The following SHISAL1 variants were observed in gnomAD, a reference collection of about 807,000 sequenced individuals.
SHISAL1 encodes protein shisa-like-1.
In SHISAL1, 9 loss-of-function variants were observed where a neutral mutation model predicts 22.6. The ratio of observed to expected loss-of-function variants is 0.40; its 90% confidence interval spans 0.24 to 0.70. SHISAL1 has a LOEUF of 0.70. Ranked by LOEUF, SHISAL1 falls within the 30% of genes least tolerant of loss-of-function variation. SHISAL1 has a pLI of 0.39. For synonymous variants in SHISAL1, 119 were observed against 115.4 expected, an observed-to-expected ratio of 1.03 and a Z score of -0.20; for missense variants, 246 against 270.6, an observed-to-expected ratio of 0.91 and a Z score of 0.64.
rs1382615057 is a variant in SHISAL1, at chr22:44,261,200, C to T, written c.*-11515G>A. The stretch of plus-strand genomic sequence containing the variant: ...AGCTTCTTCGAGGGTAAAGTTTTGA[C>T]GCCTTAGCTGGGCCTCAGGGCCTCT... On this transcript the variant is annotated intron_variant, in intron 4 of 4. Coordinates refer to ENST00000381176, the MANE Select transcript of SHISAL1 (RefSeq NM_001099294.2). Among the ~76,000 whole-genome samples, 4 of 133,978 alleles carry T rather than the reference C, an allele frequency of 3.0e-5. No homozygotes were observed. The East Asian group carries it at 6.5e-4, about 22-fold the overall frequency. The allele number at this position is 133,978 out of a possible 152,430, so 87.9% of individuals were successfully genotyped here. A position where few individuals can be genotyped will look rare whatever the true frequency, so the allele number is the denominator to read the frequency against.
chr22:44,297,034 G>T (rs2055392127), intron 2 of SHISAL1, 149 bp from the exon 3 acceptor site: 1 of 639,232 alleles, frequency 1.6e-6, no homozygotes, highest in Non-Finnish European at 2.7e-6. Flanking sequence ...CTCACCTCTG[G>T]GTTCCCATTA....
At chr22:44,277,936 G>A (rs4399828) in intron 4 of SHISAL1, among the ~76,000 whole-genome samples, 12,609 of 152,222 alleles carry the variant, frequency 0.083, 1,195 homozygotes, top group African/African-American at 0.2. Flanking sequence ...GGAGGGACAC[G>A]GAGCCCTGCG....
intron 3 of SHISAL1, among the ~76,000 whole-genome samples, chr22:44,295,396 G>C (rs2055378563): frequency 6.6e-6 from 1 of 151,700 alleles, no homozygotes; most frequent in Non-Finnish European, 1.5e-5. Flanking sequence ...ATTCCAGAGA[G>C]CTCAACTAAT....
At chr22:44,250,239 C>T (rs5764148) in intron 4 of SHISAL1, among the ~76,000 whole-genome samples, 14,694 of 152,168 alleles carry the variant, frequency 0.097, 1,217 homozygotes, top group East Asian at 0.28. Context: ...TCACCATTGC[C>T]ATAACAAACT....
chr22:44,253,970 C>G (rs2055067674), intron 4 of SHISAL1, among the ~76,000 whole-genome samples: 1 of 152,056 alleles, frequency 6.6e-6, no homozygotes. Context: ...ACAACATTCT[C>G]TAATCACAAT....
chr22:44,282,181 C>T (rs1252208814), intron 4 of SHISAL1, among the ~76,000 whole-genome samples: 5 of 152,220 alleles, frequency 3.3e-5, no homozygotes, highest in Non-Finnish European at 5.9e-5. Context: ...GCTGGGGAGC[C>T]GAAGGCCTTG....
rs1491154287 is a variant in SHISAL1 at position 44,253,425 on chromosome 22, A to ATTTTTTTTTTTTTTTTTTTTTTTT, written c.*-3741_*-3740insAAAAAAAAAAAAAAAAAAAAAAAA. Reference sequence around the variant, plus strand: ...AAGCAGAGTATGCTAGTATTAGTGCATGTTTTTTTTTTTTTTTTTTTTTGA... The same window carrying ATTTTTTTTTTTTTTTTTTTTTTTT: ...AAGCAGAGTATGCTAGTATTAGTGCATTTTTTTTTTTTTTTTTTTTTTTTTGTTTTTTTTTTTTTTTTTTTTTGA... On this transcript the variant is annotated intron_variant, in intron 4 of 4. Coordinates refer to ENST00000381176, the MANE Select transcript of SHISAL1 (RefSeq NM_001099294.2). Among the ~76,000 whole-genome samples, 2 of 107,884 alleles carry ATTTTTTTTTTTTTTTTTTTTTTTT rather than the reference A, an allele frequency of 1.9e-5. 1 individual carries two copies. The allele number at this position is 107,884 out of a possible 152,430, so 70.8% of individuals were successfully genotyped here.
intron 4 of SHISAL1, among the ~76,000 whole-genome samples, chr22:44,272,834 G>A (rs2055214232): frequency 6.6e-6 from 1 of 152,210 alleles, no homozygotes; most frequent in African/African-American, 2.4e-5. Flanking sequence ...GAAACACATT[G>A]GCTGTAATCC....
chr22:44,272,728 A>G (rs2055213584), intron 4 of SHISAL1, among the ~76,000 whole-genome samples: 1 of 152,222 alleles, frequency 6.6e-6, no homozygotes, highest in South Asian at 2.1e-4. Context: ...TTGGCCTCCC[A>G]GGACCACCTT....
At chr22:44,311,419 C>G (rs939486337) in intron 1 of SHISAL1, among the ~76,000 whole-genome samples, 37 of 152,356 alleles carry the variant, frequency 2.4e-4, no homozygotes, top group Middle Eastern at 3.4e-3. Flanking sequence ...CCTAATAAGG[C>G]TCTTGTCCCT....
chr22:44,246,723 CTG>C lies in SHISAL1; in HGVS notation c.*2960_*2961del, dbSNP rs1481621513. On this transcript the variant is annotated 3_prime_UTR_variant, in exon 5 of 5. Coordinates refer to ENST00000381176, the MANE Select transcript of SHISAL1 (RefSeq NM_001099294.2). ...ACACTGTTCTCACCTGTCGGCTCCT[CTG>C]TGAGACAGCAAGTACCGTGACTAAC... 6.7e-6 allele frequency: 1 copy of C among 148,842 alleles called. No homozygotes were observed. Among genetic ancestry groups the C allele is most frequent in the Non-Finnish European group, 1.5e-5 (1 of 66,386 alleles). 9.2% of individuals were successfully genotyped at this position (148,842 alleles called of 1,614,324 possible).
At chr22:44,258,889 T>A (rs2055102509) in intron 4 of SHISAL1, among the ~76,000 whole-genome samples, 1 of 151,390 alleles carries the variant, frequency 6.6e-6, no homozygotes, top group South Asian at 2.1e-4. Flanking sequence ...GGAGTAGGCG[T>A]GGAGGGTTGG....
At chr22:44,271,923 G>A (rs1342822036) in intron 4 of SHISAL1, among the ~76,000 whole-genome samples, 10 of 152,218 alleles carry the variant, frequency 6.6e-5, no homozygotes, top group African/African-American at 2.4e-4. Flanking sequence ...GGGCCTTTGT[G>A]GAAGTGTCCT....
At chr22:44,289,873 A>G (rs1277523287) in intron 3 of SHISAL1, among the ~76,000 whole-genome samples, 1 of 152,254 alleles carries the variant, frequency 6.6e-6, no homozygotes, top group Non-Finnish European at 1.5e-5. Context: ...AAATGGCAGA[A>G]GATAAAAAAC....
intron 4 of SHISAL1, among the ~76,000 whole-genome samples, chr22:44,250,914 C>G (rs961846253): frequency 6.6e-6 from 1 of 152,224 alleles, no homozygotes; most frequent in Non-Finnish European, 1.5e-5. Flanking sequence ...AAGCCCACCT[C>G]CCCAGAGTGA....
rs1373884607 is a variant in SHISAL1 at position 44,246,430 on chromosome 22, G to C, written c.*3255C>G. On this transcript the variant is annotated 3_prime_UTR_variant, in exon 5 of 5. Coordinates refer to ENST00000381176, the MANE Select transcript of SHISAL1 (RefSeq NM_001099294.2). The stretch of plus-strand genomic sequence containing the variant: ...GATGGACAGAAGCTCACAGTAAAAA[G>C]TAAAAGTAGGCAGCTTAAAAAATCA... 1 of 152,140 alleles carries C rather than the reference G, an allele frequency of 6.6e-6. No individual in the cohort carries two copies. Among genetic ancestry groups the C allele is most frequent in the African/African-American group, 2.4e-5 (1 of 41,408 alleles). 9.4% of individuals were successfully genotyped at this position (152,140 alleles called of 1,614,324 possible).
intron 4 of SHISAL1, among the ~76,000 whole-genome samples, chr22:44,262,530 G>A (rs566998341): frequency 1.3e-5 from 2 of 152,340 alleles, no homozygotes; most frequent in East Asian, 3.9e-4. Context: ...CAGGGGTGGG[G>A]ACCACTAGTC....
intron 4 of SHISAL1, among the ~76,000 whole-genome samples, chr22:44,274,590 A>G (rs929626326): frequency 4.6e-5 from 7 of 152,322 alleles, no homozygotes; most frequent in South Asian, 4.1e-4. Flanking sequence ...GCCCCGCTGT[A>G]GGGAATCCCA....
upstream of SHISAL1, among the ~76,000 whole-genome samples, chr22:44,313,444 A>G (rs936204595): frequency 9.2e-5 from 14 of 151,966 alleles, no homozygotes; most frequent in Non-Finnish European, 1.6e-4. Flanking sequence ...CACCTGCCTG[A>G]CTCCAAGCTG....
Sources: gnomAD v4.1 joint callset for allele counts (sites outside exome capture counted in the v4.1 genomes callset) on GRCh38, gnomAD v4.1.1 for gene constraint, MANE v1.5 for transcripts, NCBI Gene and HGNC (gene_info 2026-07-23, HGNC 2026-07-21) for gene names.